Variants in HYDIN observed in about 807,000 individuals in gnomAD.
HYDIN encodes the protein axonemal central pair apparatus protein HYDIN.
HYDIN carries 132 observed loss-of-function variants against 403.9 expected under a neutral mutation model. The ratio of observed to expected loss-of-function variants is 0.33; its 90% CI spans 0.28 to 0.38. The LOEUF is 0.38. Among genes scored for constraint, HYDIN ranks in the 10% least tolerant of loss-of-function variants. The pLI, the probability that HYDIN is intolerant of heterozygous loss-of-function variation, is 1.00. For missense variants in HYDIN, 2,827 were observed against 5,009.5 expected (o/e 0.56, Z 13.15); for synonymous variants, 1,202 against 1,891.7 (o/e 0.64, Z 9.46).
chr16:71,208,222 C>A (rs548399160), intron 1 of HYDIN, among the ~76,000 whole-genome samples: 31 of 152,276 alleles, frequency 2.0e-4, no homozygotes, highest in African/African-American at 7.5e-4. Context: ...TGACCACATT[C>A]TCAGACAACA....
chr16:70,856,786 T>A (rs1187493911), intron 72 of HYDIN, among the ~76,000 whole-genome samples: 1 of 152,266 alleles, frequency 6.6e-6, no homozygotes, highest in Admixed American at 6.5e-5. Context: ...CACCTAATTA[T>A]GTGTATCGGT....
At chr16:71,198,230 A>C (rs765193953) in intron 1 of HYDIN, among the ~76,000 whole-genome samples, 8 of 152,190 alleles carry the variant, frequency 5.3e-5, no homozygotes, top group Non-Finnish European at 1.0e-4. Flanking sequence ...CCACCATTTG[A>C]ATTTACTGCA....
intron 77 of HYDIN, 51 bp from the exon 78 acceptor site, chr16:70,835,885 A>G: frequency 1.6e-6 from 1 of 625,056 alleles, no homozygotes; most frequent in South Asian, 2.0e-5. Flanking sequence ...AAAGGGAAAA[A>G]TAAACATTAT....
At chr16:70,808,562 CTGAG>C (rs2035252092) in intron 85 of HYDIN, among the ~76,000 whole-genome samples, 1 of 152,194 alleles carries the variant, frequency 6.6e-6, no homozygotes, top group Admixed American at 6.5e-5. Flanking sequence ...TCCCAAGAGA[CTGAG>C]ATGAGCAGGG....
In HYDIN at chr16:70,807,034, G is replaced by A. The variant is rs561807843; in HGVS notation, c.*546C>T. On this transcript the variant is annotated 3_prime_UTR_variant, in exon 86 of 86. Transcript: ENST00000393567. ...CAGATGTGGGATTCGGACACTGATG[G>A]TATAAAAGCCAAGAGAAAAAGTGAT... Among the ~76,000 whole-genome samples the A allele has an allele frequency of 6.6e-6, 1 of 152,100 alleles. No homozygotes were observed. Among genetic ancestry groups the A allele is most frequent in the Non-Finnish European group, 1.5e-5 (1 of 68,024 alleles).
intron 11 of HYDIN, chr16:71,090,436 T>C (rs1264044602): frequency 6.6e-6 from 1 of 151,998 alleles, no homozygotes; most frequent in East Asian, 1.9e-4. Context: ...ATGTAATTTT[T>C]AGAATAGTGC....
intron 72 of HYDIN, among the ~76,000 whole-genome samples, chr16:70,856,617 A>T (rs957095596): frequency 6.6e-6 from 1 of 151,830 alleles, no homozygotes; most frequent in African/African-American, 2.4e-5. Context: ...GTATATTAAC[A>T]TGATCACATG....
intron 8 of HYDIN, among the ~76,000 whole-genome samples, chr16:71,130,854 A>G (rs2084686584): frequency 6.6e-6 from 1 of 151,642 alleles, no homozygotes; most frequent in African/African-American, 2.4e-5. Context: ...CAAAATGCTC[A>G]AGCTATGCCT....
chr16:70,958,194 C>T (rs1212971821), intron 39 of HYDIN, among the ~76,000 whole-genome samples: 2 of 152,068 alleles, frequency 1.3e-5, no homozygotes, highest in Non-Finnish European at 1.5e-5. Flanking sequence ...AAAAGAGTCT[C>T]TTATTGCCTT....
At chr16:71,134,535 G>A (rs1016223467) in intron 8 of HYDIN, among the ~76,000 whole-genome samples, 2 of 152,146 alleles carry the variant, frequency 1.3e-5, no homozygotes, top group African/African-American at 2.4e-5. Context: ...AGGGATGGGC[G>A]GGTCTCTGCC....
chr16:71,126,399 C>A (rs985151001), intron 9 of HYDIN, among the ~76,000 whole-genome samples: 3 of 152,124 alleles, frequency 2.0e-5, no homozygotes, highest in Non-Finnish European at 4.4e-5. Context: ...TGGGTTAGAT[C>A]AAGATGAGGA....
chr16:71,212,127 A>G (rs753133468), intron 1 of HYDIN, among the ~76,000 whole-genome samples: 1 of 152,234 alleles, frequency 6.6e-6, no homozygotes, highest in Non-Finnish European at 1.5e-5. Flanking sequence ...AAAATTGTTA[A>G]AAACACTATA....
chr16:70,894,152 C>T (rs976936924), intron 55 of HYDIN: 20 of 351,348 alleles, frequency 5.7e-5, no homozygotes, highest in African/African-American at 4.1e-4. Context: ...TGGCCAGGTA[C>T]ATCCGGGCCA....
intron 52 of HYDIN, among the ~76,000 whole-genome samples, chr16:70,901,559 A>C (rs1213881383): frequency 6.7e-6 from 1 of 148,378 alleles, no homozygotes; most frequent in East Asian, 2.0e-4. Flanking sequence ...GATAATGGCC[A>C]TAATACTTAG....
chr16:70,932,009 C>CA (rs57391181), intron 45 of HYDIN, among the ~76,000 whole-genome samples: 16,960 of 28,958 alleles, frequency 0.59, 5,791 homozygotes, highest in Non-Finnish European at 0.69. Context: ...AGACTTGTAT[C>CA]AAAAAAAAAA....
In HYDIN at chr16:71,230,644, C is replaced by G. The variant is rs2041243396; in HGVS notation, c.-106G>C. 3 of 1,535,988 alleles carry G rather than the reference C, an allele frequency of 2.0e-6. No individual in the cohort carries two copies. In the African/African-American group the frequency reaches 4.1e-5, roughly 21 times the overall value. On this transcript the variant is annotated 5_prime_UTR_variant, in exon 1 of 86. Coordinates refer to ENST00000393567, the MANE Select transcript of HYDIN (RefSeq NM_001270974.2). The stretch of plus-strand genomic sequence containing the variant: ...GTCCAACTCACAGACCCCGCCGCCG[C>G]TGAGGGGCTCCATACCCAGCTTGAA...
At chr16:70,997,867 A>C (rs2144063543) in intron 23 of HYDIN, among the ~76,000 whole-genome samples, 1 of 150,162 alleles carries the variant, frequency 6.7e-6, no homozygotes, top group Admixed American at 6.7e-5. Context: ...TGTTTTGCTC[A>C]AATGTTGTAT....
At chr16:70,948,019 AC>A (rs2077934733) in intron 41 of HYDIN, among the ~76,000 whole-genome samples, 1 of 151,936 alleles carries the variant, frequency 6.6e-6, no homozygotes, top group Non-Finnish European at 1.5e-5. Context: ...AGCCAAAAGA[AC>A]AAAGCTGGAG....
chr16:71,212,691 T>C (rs2088660972), intron 1 of HYDIN, among the ~76,000 whole-genome samples: 1 of 151,946 alleles, frequency 6.6e-6, no homozygotes, highest in African/African-American at 2.4e-5. Context: ...GTAAACAAGT[T>C]AAGAAACATG....
Sources: allele counts gnomAD v4.1 joint callset (sites outside exome capture counted in the v4.1 genomes callset), GRCh38; gene constraint gnomAD v4.1.1; transcripts MANE v1.5; gene names NCBI Gene and HGNC (gene_info 2026-07-23, HGNC 2026-07-21).